The following ASIC2 variants were observed in gnomAD, a reference collection of about 807,000 sequenced individuals.
ASIC2 encodes the protein acid-sensing ion channel 2.
In ASIC2, 25 loss-of-function variants were observed where a neutral mutation model predicts 57.3. The observed-to-expected ratio is 0.44, with a 90% CI of 0.32 to 0.61. ASIC2 has a LOEUF of 0.61. Among genes scored for constraint, ASIC2 ranks in the 20% least tolerant of loss-of-function variants. ASIC2 has a pLI of 0.06. For synonymous variants in ASIC2, 319 were observed against 307.5 expected, an observed-to-expected ratio of 1.04 and a Z score of -0.39; for missense variants, 641 against 738.1, an observed-to-expected ratio of 0.87 and a Z score of 1.52.
At chr17:33,296,062 GC>G (rs1905709429), upstream of ASIC2, among the ~76,000 whole-genome samples, 2 of 151,942 alleles carry the variant, frequency 1.3e-5, no homozygotes, top group Admixed American at 6.6e-5. Context: ...AAAGTGCAGG[GC>G]TTCCCCCCTC....
chr17:34,084,054 T>C (rs1410517619), intron 1 of ASIC2, among the ~76,000 whole-genome samples: 1 of 151,992 alleles, frequency 6.6e-6, no homozygotes, highest in Non-Finnish European at 1.5e-5. Flanking sequence ...ATTTTGGCTT[T>C]TGTTGCCATT....
chr17:33,356,055 G>A (rs1217510161), intron 1 of ASIC2, among the ~76,000 whole-genome samples: 1 of 152,162 alleles, frequency 6.6e-6, no homozygotes, highest in Admixed American at 6.5e-5. Flanking sequence ...CAGAGTAGGG[G>A]ATAAGCGTGA....
At chr17:33,043,068 A>G (rs368426861) in intron 3 of ASIC2, among the ~76,000 whole-genome samples, 12 of 152,060 alleles carry the variant, frequency 7.9e-5, no homozygotes, top group African/African-American at 2.9e-4. Flanking sequence ...CTGGGACTAC[A>G]GGCGCCTGCC....
At chr17:33,622,134 G>T (rs893842028) in intron 1 of ASIC2, among the ~76,000 whole-genome samples, 1 of 151,788 alleles carries the variant, frequency 6.6e-6, no homozygotes, top group Non-Finnish European at 1.5e-5. Context: ...ACTGTGCAAG[G>T]TGTCTGAGAT....
At chr17:33,618,519 A>G (rs1001284573) in intron 1 of ASIC2, among the ~76,000 whole-genome samples, 2 of 152,218 alleles carry the variant, frequency 1.3e-5, no homozygotes, top group Admixed American at 6.5e-5. Flanking sequence ...CATGTTTATA[A>G]TTTAAGATCT....
intron 1 of ASIC2, among the ~76,000 whole-genome samples, chr17:33,736,668 G>A (rs541839258): frequency 6.6e-6 from 1 of 151,976 alleles, no homozygotes; most frequent in African/African-American, 2.4e-5. Context: ...ATTATATAAA[G>A]AAACATTTAA....
chr17:34,046,945 G>A (rs914667707), intron 1 of ASIC2, among the ~76,000 whole-genome samples: 14 of 152,048 alleles, frequency 9.2e-5, no homozygotes, highest in African/African-American at 3.1e-4. Flanking sequence ...ACCAATTTTT[G>A]AGAACTCTCC....
chr17:33,110,799 G>A (rs989824946), intron 2 of ASIC2, among the ~76,000 whole-genome samples: 1 of 152,022 alleles, frequency 6.6e-6, no homozygotes, highest in Non-Finnish European at 1.5e-5. Flanking sequence ...TAGGGGCTGG[G>A]CTACTGGGGC....
chr17:33,401,884 C>T (rs868114645), intron 1 of ASIC2, among the ~76,000 whole-genome samples: 16 of 152,144 alleles, frequency 1.1e-4, no homozygotes, highest in South Asian at 8.3e-4. Context: ...TTAAGTTATG[C>T]GAGGTCTCTC....
At chr17:33,484,803 C>T (rs898137801) in intron 1 of ASIC2, among the ~76,000 whole-genome samples, 1 of 152,188 alleles carries the variant, frequency 6.6e-6, no homozygotes, top group Non-Finnish European at 1.5e-5. Context: ...TGGCAACACC[C>T]AGGAGTTACT....
At chr17:34,038,025 C>G in intron 1 of ASIC2, 1 of 1,613,376 alleles carries the variant, frequency 6.2e-7, no homozygotes, top group South Asian at 1.1e-5. Flanking sequence ...CAATAAGTAC[C>G]AGCACCTTGT....
At chr17:33,163,403 G>T (rs1332257637) in intron 1 of ASIC2, among the ~76,000 whole-genome samples, 1 of 151,876 alleles carries the variant, frequency 6.6e-6, no homozygotes, top group Non-Finnish European at 1.5e-5. Flanking sequence ...ACCAGCCCCT[G>T]CCTGCACTCT....
chr17:33,509,520 C>T (rs371635092), intron 1 of ASIC2, among the ~76,000 whole-genome samples: 7 of 152,314 alleles, frequency 4.6e-5, no homozygotes, highest in East Asian at 1.9e-4. Context: ...GACTGACAGA[C>T]GGCATCATGC....
At chr17:34,123,217 G>A (rs1482320905) in intron 1 of ASIC2, among the ~76,000 whole-genome samples, 1 of 152,134 alleles carries the variant, frequency 6.6e-6, no homozygotes, top group Non-Finnish European at 1.5e-5. Flanking sequence ...TGCTGGCCCT[G>A]GAACTAGGGA....
At chr17:33,428,139 C>G (rs769251915) in intron 1 of ASIC2, among the ~76,000 whole-genome samples, 1 of 152,214 alleles carries the variant, frequency 6.6e-6, no homozygotes, top group Non-Finnish European at 1.5e-5. Context: ...CATTCTCTAG[C>G]TTCCTGATCC....
chr17:33,939,452 GCTAT>G (rs1916137516), intron 1 of ASIC2, among the ~76,000 whole-genome samples: 1 of 152,322 alleles, frequency 6.6e-6, no homozygotes, highest in East Asian at 1.9e-4. Context: ...AAGGGAAGAG[GCTAT>G]CTAAGGTCAC....
At chr17:33,646,186 C>T (rs555237776) in intron 1 of ASIC2, among the ~76,000 whole-genome samples, 3 of 152,172 alleles carry the variant, frequency 2.0e-5, no homozygotes, top group Non-Finnish European at 4.4e-5. Flanking sequence ...CATGAACAAA[C>T]ATCCCAAGCA....
chr17:33,856,406 TATC>T, intron 1 of ASIC2, among the ~76,000 whole-genome samples: 3 of 146,288 alleles, frequency 2.1e-5, no homozygotes, highest in Non-Finnish European at 3.0e-5. Context: ...GTAGCAGCAG[TATC>T]AGTAGTAACA....
intron 1 of ASIC2, among the ~76,000 whole-genome samples, chr17:33,694,876 T>C (rs1008461432): frequency 3.3e-5 from 5 of 152,178 alleles, no homozygotes; most frequent in Non-Finnish European, 7.3e-5. Context: ...CCGTGTCTTC[T>C]CTTCTCCTGT....
Sources: allele counts gnomAD v4.1 joint callset (sites outside exome capture counted in the v4.1 genomes callset), GRCh38; gene constraint gnomAD v4.1.1; transcripts MANE v1.5; gene names NCBI Gene and HGNC (gene_info 2026-07-23, HGNC 2026-07-21).